CCDC102B: variants seen among roughly 807,000 people sequenced by gnomAD.
CCDC102B encodes the protein coiled-coil domain containing 102B.
A neutral mutation model predicts 57.4 loss-of-function variants in CCDC102B; 75 were observed. The observed-to-expected ratio is 1.31, with a 90% CI of 1.08 to 1.58. The LOEUF (loss-of-function observed/expected upper bound fraction) is 1.58. Among genes scored for constraint, CCDC102B ranks in the 40% most tolerant of loss-of-function variants. The pLI, the probability that CCDC102B is intolerant of heterozygous loss-of-function variation, is 0.00. For missense variants in CCDC102B, 636 were observed against 582.6 expected (o/e 1.09, Z -0.94); for synonymous variants, 206 against 201.9 (o/e 1.02, Z -0.17).
intron 6 of CCDC102B, among the ~76,000 whole-genome samples, chr18:68,939,028 A>G (rs1568341428): frequency 6.6e-6 from 1 of 151,810 alleles, no homozygotes; most frequent in Non-Finnish European, 1.5e-5. Context: ...AATCAGAACT[A>G]TTTGGTTTCT....
At chr18:68,943,137 CAGA>C (rs1178126806) in intron 6 of CCDC102B, among the ~76,000 whole-genome samples, 1 of 149,136 alleles carries the variant, frequency 6.7e-6, no homozygotes, top group African/African-American at 2.4e-5. Flanking sequence ...TATCTCAAGG[CAGA>C]AGAATTTTTC....
At chr18:68,863,713 T>G (rs2038856490) in intron 4 of CCDC102B, among the ~76,000 whole-genome samples, 1 of 151,986 alleles carries the variant, frequency 6.6e-6, no homozygotes, top group East Asian at 1.9e-4. Context: ...TGATCAAATT[T>G]GATAAATTTT....
At chr18:68,991,621 A>C (rs2050869635) in intron 6 of CCDC102B, among the ~76,000 whole-genome samples, 1 of 152,220 alleles carries the variant, frequency 6.6e-6, no homozygotes, top group Admixed American at 6.5e-5. Context: ...TTAATGCTTT[A>C]ACTTAATATT....
chr18:69,026,464 A>AAAAG (rs2051994880), intron 7 of CCDC102B, among the ~76,000 whole-genome samples: 1 of 151,700 alleles, frequency 6.6e-6, no homozygotes, highest in African/African-American at 2.4e-5. Flanking sequence ...TCTCAAAAAA[A>AAAAG]AAAAAAAAAA....
intron 2 of CCDC102B, among the ~76,000 whole-genome samples, chr18:68,726,003 C>T (rs17079623): frequency 0.11 from 16,809 of 152,118 alleles, 1,278 homozygotes; most frequent in East Asian, 0.37. Flanking sequence ...GGTACAGGAA[C>T]GTTGCCTCGG....
At chr18:69,025,803 T>C (rs1041021262) in intron 7 of CCDC102B, among the ~76,000 whole-genome samples, 5 of 152,214 alleles carry the variant, frequency 3.3e-5, no homozygotes, top group African/African-American at 1.2e-4. Flanking sequence ...AATCATATTT[T>C]AGAGCACAAC....
intron 6 of CCDC102B, among the ~76,000 whole-genome samples, chr18:68,968,807 A>G (rs2050225892): frequency 6.6e-6 from 1 of 152,130 alleles, no homozygotes; most frequent in South Asian, 2.1e-4. Context: ...TATTCTCATG[A>G]CGGACAGATT....
chr18:68,835,417 C>T (rs2037323992), intron 1 of CCDC102B, among the ~76,000 whole-genome samples: 1 of 152,012 alleles, frequency 6.6e-6, no homozygotes, highest in African/African-American at 2.4e-5. Context: ...AACAAATGCA[C>T]ATATTTGTTA....
intron 6 of CCDC102B, among the ~76,000 whole-genome samples, chr18:68,961,623 T>C (rs1281525633): frequency 6.6e-6 from 1 of 152,078 alleles, no homozygotes; most frequent in Admixed American, 6.5e-5. Context: ...TAAAATGTCA[T>C]GGTATTCTGC....
At chr18:68,790,703 G>A (rs1387498618) in intron 2 of CCDC102B, among the ~76,000 whole-genome samples, 17 of 152,170 alleles carry the variant, frequency 1.1e-4, no homozygotes, top group Admixed American at 9.8e-4. Flanking sequence ...CACGGTGCGC[G>A]CACCCACTGA....
Position 68,993,078 on chromosome 18 carries a change from G to A in CCDC102B, c.1264-17856G>A, listed in dbSNP as rs73967754. On this transcript the variant is annotated intron_variant, in intron 6 of 7. Coordinates refer to ENST00000360242, the MANE Select transcript of CCDC102B (RefSeq NM_024781.3). ...TCAAAAGCTTTCAGGTCCACATCTG[G>A]TGCCACAGCAAAGTCTGAGCTGGCG... The A allele has an allele frequency of 6.4e-3, 993 of 155,550 alleles. 11 individuals carry two copies. Among genetic ancestry groups the A allele is most frequent in the African/African-American group, 0.023 (940 of 41,628 alleles). The allele number at this position is 155,550 out of a possible 1,614,324, so 9.6% of individuals were successfully genotyped here.
intron 2 of CCDC102B, among the ~76,000 whole-genome samples, chr18:68,731,348 T>A (rs549344504): frequency 6.6e-6 from 1 of 152,310 alleles, no homozygotes; most frequent in East Asian, 1.9e-4. Context: ...CAAACCCCTA[T>A]AATCTAGTTC....
At position 68,818,890 on chromosome 18, in the gene CCDC102B, C is replaced by T. The variant is rs1213303059; in HGVS notation, c.-15-17859C>T. Among the ~76,000 whole-genome samples the T allele has an allele frequency of 2.0e-5, 3 of 152,206 alleles. No homozygotes were observed. In the East Asian group the frequency reaches 5.8e-4, roughly 29 times the overall value. On this transcript the variant is annotated intron_variant, in intron 1 of 7. Coordinates refer to ENST00000360242, the MANE Select transcript of CCDC102B (RefSeq NM_024781.3). ...AGTAACATATAATGTAAGAACTATC[C>T]ATGTGATTATTGCCGGTGTGCATAT... is the stretch of plus-strand genomic sequence containing the variant.
intron 6 of CCDC102B, among the ~76,000 whole-genome samples, chr18:68,918,805 A>T (rs1206637174): frequency 2.6e-5 from 4 of 152,194 alleles, no homozygotes; most frequent in African/African-American, 9.6e-5. Context: ...ATTAATAGCA[A>T]ATATAATCTT....
At chr18:68,853,465 AG>A (rs1358536441) in intron 4 of CCDC102B, among the ~76,000 whole-genome samples, 11 of 151,954 alleles carry the variant, frequency 7.2e-5, no homozygotes, top group Admixed American at 7.2e-4. Flanking sequence ...TCATACTAAA[AG>A]TTGATTAGAG....
chr18:68,791,528 T>C (rs1457129994), intron 2 of CCDC102B, among the ~76,000 whole-genome samples: 1 of 8,382 alleles, frequency 1.2e-4, no homozygotes, highest in African/African-American at 1.3e-4. Context: ...TTTGTAACAA[T>C]GTTTTTTTTT....
At chr18:68,984,343 C>T (rs1163979283) in intron 6 of CCDC102B, among the ~76,000 whole-genome samples, 1 of 151,952 alleles carries the variant, frequency 6.6e-6, no homozygotes, top group Admixed American at 6.6e-5. Context: ...TATAGAAATG[C>T]CATAAATTGC....
intron 1 of CCDC102B, among the ~76,000 whole-genome samples, chr18:68,807,647 A>G (rs1358621270): frequency 6.6e-6 from 1 of 152,158 alleles, no homozygotes; most frequent in Non-Finnish European, 1.5e-5. Flanking sequence ...AAATACAAAC[A>G]CTGAGTATTC....
intron 1 of CCDC102B, among the ~76,000 whole-genome samples, chr18:68,806,175 G>A (rs1027170194): frequency 6.6e-6 from 1 of 152,096 alleles, no homozygotes; most frequent in African/African-American, 2.4e-5. Context: ...TACAACTGCT[G>A]TTTTAACAAT....
Sources: allele counts gnomAD v4.1 joint callset (sites outside exome capture counted in the v4.1 genomes callset), GRCh38; gene constraint gnomAD v4.1.1; transcripts MANE v1.5; gene names NCBI Gene and HGNC (gene_info 2026-07-23, HGNC 2026-07-21).